LMO1: variants seen among roughly 807,000 people sequenced by gnomAD.
The protein encoded by LMO1 is LIM domain only 1.
In LMO1, 10 loss-of-function variants were observed where a neutral mutation model predicts 18.0. The observed-to-expected ratio is 0.55, with a 90% confidence interval of 0.34 to 0.94. The LOEUF is 0.94. Ranked by LOEUF, LMO1 falls within the 40% of genes least tolerant of loss-of-function variation. The pLI is 0.02. For synonymous variants in LMO1, 77 were observed against 77.9 expected, an observed-to-expected ratio of 0.99 and a Z score of 0.06; for missense variants, 183 against 205.7, an observed-to-expected ratio of 0.89 and a Z score of 0.68.
chr11:8,266,846 G>A (rs1847266418), upstream of LMO1, among the ~76,000 whole-genome samples: 1 of 152,238 alleles, frequency 6.6e-6, no homozygotes, highest in Non-Finnish European at 1.5e-5. Context: ...CCAAGACGGA[G>A]TTACAAGCTA....
rs540750277 is a variant in LMO1, at chr11:8,240,072, G to A, written c.26-9568C>T. ...CTGCCTGCTGTGTCCCAGGGCCAGA[G>A]GCAGCATCACGTCATCTTTTCTCCA... On this transcript the variant is annotated intron_variant, in intron 1 of 3. Coordinates refer to ENST00000335790, the MANE Select transcript of LMO1 (RefSeq NM_002315.3). 3.9e-5 allele frequency among the ~76,000 whole-genome samples: 6 copies of A among 151,976 alleles called. No homozygotes were observed. In the South Asian group the frequency reaches 1.0e-3, roughly 26 times the overall value.
upstream of LMO1, among the ~76,000 whole-genome samples, chr11:8,267,231 G>A (rs539742090): frequency 1.3e-5 from 2 of 152,298 alleles, no homozygotes; most frequent in East Asian, 3.9e-4. Flanking sequence ...TTTTGGGTGT[G>A]CACTGACCAA....
At chr11:8,254,927 T>A (rs1407944672) in intron 1 of LMO1, among the ~76,000 whole-genome samples, 1 of 152,188 alleles carries the variant, frequency 6.6e-6, no homozygotes, top group Non-Finnish European at 1.5e-5. Context: ...TTTTCTCATC[T>A]GTAAAATGAG....
At chr11:8,233,009 C>T (rs567534865) in intron 1 of LMO1, among the ~76,000 whole-genome samples, 1 of 152,340 alleles carries the variant, frequency 6.6e-6, no homozygotes, top group South Asian at 2.1e-4. Context: ...CCTGTGGAAG[C>T]CATGAGGGGT....
chr11:8,263,208 G>T, intron 1 of LMO1, 130 bp downstream of exon 1: 2 of 811,618 alleles, frequency 2.5e-6, no homozygotes, highest in Non-Finnish European at 3.4e-6. Flanking sequence ...CCGGCCCCCA[G>T]CGCGCCGCCC....
intron 1 of LMO1, among the ~76,000 whole-genome samples, chr11:8,249,274 G>A (rs1348685281): frequency 1.3e-5 from 2 of 152,170 alleles, no homozygotes; most frequent in Non-Finnish European, 2.9e-5. Context: ...ACTGAAGGGA[G>A]GCAGACAGGA....
intron 1 of LMO1, among the ~76,000 whole-genome samples, chr11:8,233,025 T>A (rs1046260651): frequency 1.3e-4 from 20 of 152,212 alleles, no homozygotes; most frequent in Non-Finnish European, 1.3e-4. Context: ...GGGGTGAAGC[T>A]GCCAGCCGCC....
intron 1 of LMO1, among the ~76,000 whole-genome samples, chr11:8,246,156 C>T (rs28622235): frequency 0.028 from 4,267 of 152,152 alleles, 74 homozygotes; most frequent in African/African-American, 0.049. Flanking sequence ...GGACAAACAT[C>T]GAAACCATAT....
upstream of LMO1, among the ~76,000 whole-genome samples, chr11:8,266,888 G>A (rs1847266852): frequency 6.6e-6 from 1 of 152,226 alleles, no homozygotes; most frequent in African/African-American, 2.4e-5. Flanking sequence ...GAGGTATTGG[G>A]GTGACGAGGA....
intron 1 of LMO1, among the ~76,000 whole-genome samples, chr11:8,259,269 C>T (rs1847147640): frequency 6.6e-6 from 1 of 152,154 alleles, no homozygotes; most frequent in African/African-American, 2.4e-5. Context: ...AATGGAAGAG[C>T]AGGGAACAGA....
chr11:8,241,809 A>T (rs1479857397), intron 1 of LMO1, among the ~76,000 whole-genome samples: 1 of 151,932 alleles, frequency 6.6e-6, no homozygotes, highest in Non-Finnish European at 1.5e-5. Flanking sequence ...AACAAAAAAA[A>T]GTCTGATTGA....
intron 1 of LMO1, 26 bp from the exon 2 acceptor site, chr11:8,230,530 C>T (rs80209920): frequency 3.1e-5 from 49 of 1,601,936 alleles, no homozygotes; most frequent in Middle Eastern, 1.7e-4. Context: ...CAGACAGCAA[C>T]GCAGGATGGG....
chr11:8,262,472 T>A (rs1400708012), intron 1 of LMO1, among the ~76,000 whole-genome samples: 1 of 152,164 alleles, frequency 6.6e-6, no homozygotes, highest in Non-Finnish European at 1.5e-5. Flanking sequence ...GACACTTAAC[T>A]GCAGGGCACT....
chr11:8,229,055 A>ATT (rs35607958), intron 2 of LMO1, among the ~76,000 whole-genome samples: 1 of 146,006 alleles, frequency 6.8e-6, no homozygotes, highest in African/African-American at 2.5e-5. Flanking sequence ...CACCTGGCTA[A>ATT]TTTTTTTTTT....
At chr11:8,243,455 G>A (rs1846833151) in intron 1 of LMO1, among the ~76,000 whole-genome samples, 1 of 152,222 alleles carries the variant, frequency 6.6e-6, no homozygotes, top group Non-Finnish European at 1.5e-5. Context: ...GTGGGAGAAA[G>A]CCTGCTGTGA....
upstream of LMO1, among the ~76,000 whole-genome samples, chr11:8,264,692 T>G (rs185485211): frequency 7.7e-3 from 1,179 of 152,212 alleles, 8 homozygotes; most frequent in Non-Finnish European, 0.014. Flanking sequence ...AGTGCAGTGG[T>G]GTGATCTCGG....
At chr11:8,228,239 G>T (rs536861915) in intron 2 of LMO1, among the ~76,000 whole-genome samples, 86 of 152,350 alleles carry the variant, frequency 5.6e-4, no homozygotes, top group Middle Eastern at 3.4e-3. Context: ...CCCCATGCAG[G>T]CCAGCCCTTG....
intron 3 of LMO1, among the ~76,000 whole-genome samples, chr11:8,225,490 C>T (rs1316512028): frequency 6.6e-6 from 1 of 151,542 alleles, no homozygotes; most frequent in Admixed American, 6.6e-5. Context: ...CCGTCTATCC[C>T]TCTCCCCAAT....
At chr11:8,248,524 G>A (rs1420730733) in intron 1 of LMO1, among the ~76,000 whole-genome samples, 6 of 152,222 alleles carry the variant, frequency 3.9e-5, no homozygotes, top group African/African-American at 1.4e-4. Context: ...CAAGACCTTA[G>A]GCATAGTTCC....
Sources: gnomAD v4.1 joint callset for allele counts (sites outside exome capture counted in the v4.1 genomes callset) on GRCh38, gnomAD v4.1.1 for gene constraint, MANE v1.5 for transcripts, NCBI Gene and HGNC (gene_info 2026-07-23, HGNC 2026-07-21) for gene names.